PLEKHO2: variants seen among roughly 807,000 people sequenced by gnomAD.
PLEKHO2 encodes the protein pleckstrin homology domain containing O2, also known as pleckstrin homology domain-containing family O member 2.
PLEKHO2 carries 20 observed loss-of-function variants against 32.7 expected under a neutral mutation model. That is an observed-to-expected ratio of 0.61 (90% CI 0.43 to 0.89). The LOEUF (loss-of-function observed/expected upper bound fraction) is 0.89, where lower values mean the gene tolerates loss of function less well. Ranked by LOEUF, PLEKHO2 falls within the 40% of genes least tolerant of loss-of-function variation. The pLI is 0.00. For synonymous variants in PLEKHO2, 247 were observed against 246.3 expected (o/e 1.00, Z -0.03); for missense variants, 568 against 621.2 (o/e 0.91, Z 0.91).
At chr15:64,852,188 C>T (rs1028794425) in intron 2 of PLEKHO2, among the ~76,000 whole-genome samples, 2 of 152,036 alleles carry the variant, frequency 1.3e-5, no homozygotes, top group African/African-American at 4.8e-5. Flanking sequence ...TGTTTGCATC[C>T]CCCTGGCAGT....
chr15:64,845,098 A>G (rs2084513111), intron 1 of PLEKHO2, among the ~76,000 whole-genome samples: 1 of 152,188 alleles, frequency 6.6e-6, no homozygotes, highest in South Asian at 2.1e-4. Flanking sequence ...AAAGGTTGTC[A>G]TAAGCTTCCT....
chr15:64,850,578 T>C (rs1475281674), intron 2 of PLEKHO2, among the ~76,000 whole-genome samples: 2 of 152,228 alleles, frequency 1.3e-5, no homozygotes, highest in Non-Finnish European at 2.9e-5. Flanking sequence ...ATTGCCTCTC[T>C]GTTTTGAACT....
Position 64,859,936 on chromosome 15 carries a change from G to C in PLEKHO2, c.322G>C (p.Glu108Gln), listed in dbSNP as rs746753731. ...KFQAPTGEEK[E>Q]SWIKALNEGI... is the part of the protein sequence containing the mutation. ...CCAGGCACCCACCGGGGAGGAGAAG[G>C]AATCCTGGATCAAAGCCCTCAATGA... is the stretch of plus-strand genomic sequence containing the variant. The change falls in exon 4 of 6, where the codon GAA (glutamate) becomes CAA (glutamine). Residue 108 changes from glutamate (E) to glutamine (Q), a missense_variant. Glu to Gln is a conservative substitution (Grantham distance 29, BLOSUM62 2). Coordinates refer to ENST00000323544, the MANE Select transcript of PLEKHO2 (RefSeq NM_025201.5). 2.5e-6 allele frequency: 4 copies of C among 1,614,102 alleles called. No homozygotes were observed. The East Asian group carries it at 8.9e-5, about 36-fold the overall frequency.
chr15:64,861,615 C>T (rs1209199486), intron 5 of PLEKHO2, 40 bp downstream of exon 5: 1 of 1,487,752 alleles, frequency 6.7e-7, no homozygotes, highest in South Asian at 1.2e-5. Context: ...GTTAGTTGAG[C>T]CTAGGACCTC....
chr15:64,851,202 C>T (rs903595778), intron 2 of PLEKHO2, among the ~76,000 whole-genome samples: 1 of 152,202 alleles, frequency 6.6e-6, no homozygotes, highest in Non-Finnish European at 1.5e-5. Flanking sequence ...TCTACTGCTG[C>T]TCCCACCAAA....
chr15:64,861,564 C>T lies in PLEKHO2; in HGVS notation c.472C>T (p.His158Tyr). 1 of 1,603,268 alleles carries T rather than the reference C, an allele frequency of 6.2e-7. No individual in the cohort carries two copies. Among genetic ancestry groups the T allele is most frequent in the South Asian group, 1.1e-5 (1 of 88,854 alleles). Residue 158 changes from histidine to tyrosine, a missense_variant, in exon 5 of 6, where the codon CAC becomes TAC. Physicochemically the swap from His to Tyr is moderately conservative, Grantham distance 83. Coordinates refer to ENST00000323544, the MANE Select transcript of PLEKHO2 (RefSeq NM_025201.5). ...GQRRRPPTRVHLKEVASAASD... is the reference protein window; with the variant it reads ...GQRRRPPTRVYLKEVASAASD... ...GCGACGCCGGCCACCAACGAGAGTC[C>T]ACCTGAAGGAGGTAGGGCCTTACCC... is the stretch of plus-strand genomic sequence containing the variant.
In PLEKHO2 at chr15:64,865,480, C is replaced by A. The variant is rs146103082; in HGVS notation, c.1065C>A (p.Pro355=). 4.3e-4 allele frequency: 698 copies of A among 1,614,050 alleles called. 4 individuals are homozygous for A. In the African/African-American group the frequency reaches 8.5e-3, roughly 20 times the overall value. The change falls in exon 6 of 6, where the codon CCC becomes CCA. Residue 355 remains proline (P), a synonymous_variant. Coordinates refer to ENST00000323544, the MANE Select transcript of PLEKHO2 (RefSeq NM_025201.5). ...ATGACAGTCCTGAGCCTGCCAAGCC[C>A]TCTCAGGCTGAGGGCACCCCAGGAA... ...GMDDSPEPAK[P]SQAEGTPGTP... is the part of the protein sequence containing the mutation.
intron 1 of PLEKHO2, 68 bp downstream of exon 1, chr15:64,842,096 G>A: frequency 1.7e-6 from 2 of 1,209,276 alleles, no homozygotes; most frequent in Non-Finnish European, 2.1e-6. Context: ...TGCGGTCCTG[G>A]GCTCAGGCCC....
In PLEKHO2 at chr15:64,866,017, T is replaced by C; in HGVS notation, c.*129T>C. 1 of 1,262,518 alleles carries C rather than the reference T, an allele frequency of 7.9e-7. No individual in the cohort carries two copies. The highest frequency in any genetic ancestry group is 2.6e-4 in the Middle Eastern group (1 of 3,826). 78.2% of individuals were successfully genotyped at this position (1,262,518 alleles called of 1,614,324 possible). A position where few individuals can be genotyped will look rare whatever the true frequency, so the allele number is the denominator to read the frequency against. ...GGAGGGCCATTGGGCATGTCAGGGT[T>C]TGGCCATGACCCGAAGAGACTCCTG... is the stretch of plus-strand genomic sequence containing the variant. On this transcript the variant is annotated 3_prime_UTR_variant, in exon 6 of 6. Transcript: ENST00000323544.
intron 5 of PLEKHO2, among the ~76,000 whole-genome samples, chr15:64,862,434 C>G (rs1028182452): frequency 3.3e-5 from 5 of 151,954 alleles, no homozygotes; most frequent in Middle Eastern, 3.4e-3. Flanking sequence ...GTTCCCCAAG[C>G]CTGGAGACTG....
Position 64,865,964 on chromosome 15 carries a change from T to C in PLEKHO2, c.*76T>C. ...CAAGGCCCAGCCCTGCTGAGAAATG[T>C]GCTTCTGCTTCTACAGCAATGGCTG... is the stretch of plus-strand genomic sequence containing the variant. On this transcript the variant is annotated 3_prime_UTR_variant, in exon 6 of 6. Coordinates refer to ENST00000323544, the MANE Select transcript of PLEKHO2 (RefSeq NM_025201.5). 4 of 1,494,174 alleles carry C rather than the reference T, an allele frequency of 2.7e-6. No individual in the cohort carries two copies. In the South Asian group the frequency reaches 5.2e-5, roughly 19 times the overall value. 92.6% of individuals were successfully genotyped at this position (1,494,174 alleles called of 1,614,324 possible).
intron 3 of PLEKHO2, among the ~76,000 whole-genome samples, chr15:64,856,874 C>CCGTCCTCAGTGAGGG (rs1340265881): frequency 1.3e-5 from 2 of 152,188 alleles, no homozygotes; most frequent in Non-Finnish European, 2.9e-5. Context: ...TGGGTGTTCC[C>CCGTCCTCAGTGAGGG]CGTCCTCAGT....
rs567700324 is a variant in PLEKHO2 at position 64,841,952 on chromosome 15, C to T, written c.-65C>T. The T allele has an allele frequency of 6.0e-5, 75 of 1,240,360 alleles. No homozygotes were observed. The Admixed American group carries it at 8.0e-4, about 13-fold the overall frequency. The allele number at this position is 1,240,360 out of a possible 1,614,324, so 76.8% of individuals were successfully genotyped here. A position where few individuals can be genotyped will look rare whatever the true frequency, so the allele number is the denominator to read the frequency against. ...GTCGCCGCCTGGCCGGGCGTAGACG[C>T]GGTGGCAGAGCCCGCGCGGCGCTGG... On this transcript the variant is annotated 5_prime_UTR_variant, in exon 1 of 6. Coordinates refer to ENST00000323544, the MANE Select transcript of PLEKHO2 (RefSeq NM_025201.5).
intron 2 of PLEKHO2, among the ~76,000 whole-genome samples, chr15:64,849,028 T>A (rs868462397): frequency 2.0e-5 from 3 of 151,652 alleles, no homozygotes; most frequent in Middle Eastern, 3.4e-3. Context: ...CAGGCTGGAG[T>A]GCAGTGGCGA....
chr15:64,855,026 C>G lies in PLEKHO2; in HGVS notation c.268C>G (p.Pro90Ala), dbSNP rs1226458535. Residue 90 changes from proline (P) to alanine (A), a missense_variant, in exon 3 of 6, where the codon CCA becomes GCA. Transcript: ENST00000323544. ...ACACCGCTTTATCCTGCTGCGATCC[C>G]CAGGGAACAAGGTAGGGCGATGCCT... ...RKHRFILLRS[P>A]GNKVSDIKFQ... 1.3e-6 allele frequency: 2 copies of G among 1,584,448 alleles called. No homozygotes were observed. The highest frequency in any genetic ancestry group is 1.1e-5 in the South Asian group (1 of 86,960).
chr15:64,863,585 A>G (rs1166922454), intron 5 of PLEKHO2, among the ~76,000 whole-genome samples: 1 of 151,264 alleles, frequency 6.6e-6, no homozygotes, highest in African/African-American at 2.4e-5. Flanking sequence ...GGTGGTCCCC[A>G]GTGCCTGATG....
chr15:64,866,127 G>A lies in PLEKHO2; in HGVS notation c.*239G>A, dbSNP rs1039190853. 3 of 596,816 alleles carry A rather than the reference G, an allele frequency of 5.0e-6. No homozygotes were observed. The African/African-American group carries it at 5.6e-5, about 11-fold the overall frequency. The allele number at this position is 596,816 out of a possible 1,614,324, so 37.0% of individuals were successfully genotyped here. On this transcript the variant is annotated 3_prime_UTR_variant, in exon 6 of 6. Transcript: ENST00000323544. ...GCTATCTGGCCTGGCCTCTGGGCTG[G>A]GGCTGGGGCTGGGAGCACACACGCT...
At chr15:64,864,772 A>G in intron 5 of PLEKHO2, 127 bp from the exon 6 acceptor site, 2 of 965,888 alleles carry the variant, frequency 2.1e-6, no homozygotes, top group Non-Finnish European at 3.1e-6. Flanking sequence ...GCCAGGACAG[A>G]GGGAGGCTGG....
Position 64,854,665 on chromosome 15 carries a change from C to A in PLEKHO2, c.163-256C>A, listed in dbSNP as rs987401557. ...GCTTCCCCTCTGTTTCCTCCTCTGGCCTTAGGCACATACGCGCCTCTGGGC... is the reference window on the plus strand; with the variant it reads ...GCTTCCCCTCTGTTTCCTCCTCTGGACTTAGGCACATACGCGCCTCTGGGC... On this transcript the variant is annotated intron_variant, in intron 2 of 5. Transcript: ENST00000323544. 5.3e-5 allele frequency among the ~76,000 whole-genome samples: 8 copies of A among 152,364 alleles called. No homozygotes were observed. In the South Asian group the frequency reaches 6.2e-4, roughly 12 times the overall value.
Sources: gnomAD v4.1 joint callset for allele counts (sites outside exome capture counted in the v4.1 genomes callset) on GRCh38, gnomAD v4.1.1 for gene constraint, MANE v1.5 for transcripts, NCBI Gene and HGNC (gene_info 2026-07-23, HGNC 2026-07-21) for gene names.